Variants in APOB observed in about 807,000 individuals in gnomAD.
APOB encodes the protein apolipoprotein B.
Under a neutral mutation model 314.1 loss-of-function variants are expected in APOB, and 153 were observed. The ratio of observed to expected loss-of-function variants is 0.49; its 90% confidence interval spans 0.43 to 0.56. The LOEUF is 0.56. APOB is among the 20% of genes least tolerant of loss of function. APOB has a pLI of 0.00. For synonymous variants in APOB, 2,087 were observed against 2,036.4 expected (o/e 1.02, Z -0.67); for missense variants, 5,430 against 5,350.7 (o/e 1.01, Z -0.46).
chr2:21,010,914 G>C lies in APOB; in HGVS notation c.5954C>G (p.Thr1985Ser). The change falls in exon 26 of 29, where the codon ACC becomes AGC. Residue 1985 changes from threonine to serine, a missense_variant. Thr to Ser is a moderately conservative substitution (Grantham distance 58). Coordinates refer to ENST00000233242, the MANE Select transcript of APOB (RefSeq NM_000384.3). ...GCTGTATTCATTGTTGTTAAATTGG[G>C]TCTTGAGTTTCCAGGTGCCTGTCTG... is the stretch of plus-strand genomic sequence containing the variant. ...AEQTGTWKLK[T>S]QFNNNEYSQD... 2 of 1,614,082 alleles carry C rather than the reference G, an allele frequency of 1.2e-6. No individual in the cohort carries two copies. The highest frequency in any genetic ancestry group is 1.1e-5 in the South Asian group (1 of 91,076).
At chr2:21,012,722 T>C (rs1467151037) in intron 25 of APOB, 71 bp from the exon 26 acceptor site, 33 of 1,523,130 alleles carry the variant, frequency 2.2e-5, no homozygotes, top group Non-Finnish European at 2.9e-5. Context: ...ATGTTGAAAG[T>C]CTTTCAATAA....
Position 21,026,918 on chromosome 2 carries a change from A to C in APOB, c.2114T>G (p.Phe705Cys), listed in dbSNP as rs898106597. Residue 705 changes from phenylalanine (F) to cysteine (C), a missense_variant, in exon 15 of 29, where the codon TTT becomes TGT. Phe to Cys is a radical substitution (Grantham distance 205). Transcript: ENST00000233242. ...GTCTGGGAAAAATCCTTGCTTCCCA[A>C]AAAGAGCTTCCAATGTTGGCTCAAA... ...KGFEPTLEAL[F>C]GKQGFFPDSV... 1.9e-6 allele frequency: 3 copies of C among 1,614,218 alleles called. No individual in the cohort carries two copies. Among genetic ancestry groups the C allele is most frequent in the Middle Eastern group, 1.6e-4 (1 of 6,062 alleles).
At chr2:21,033,582 T>C (rs1219780634) in intron 8 of APOB, 64 bp from the exon 9 acceptor site, 3 of 1,381,756 alleles carry the variant, frequency 2.2e-6, no homozygotes, top group Non-Finnish European at 3.1e-6. Context: ...CTTTGTCTAC[T>C]GGAAGCTGGA....
At chr2:21,036,781 A>C (rs966805229) in intron 6 of APOB, among the ~76,000 whole-genome samples, 1 of 152,080 alleles carries the variant, frequency 6.6e-6, no homozygotes, top group African/African-American at 2.4e-5. Flanking sequence ...CCATCCCCGG[A>C]ACCTTCTCAG....
At chr2:21,029,545 G>A (rs1223033559) in intron 12 of APOB, 94 bp downstream of exon 12, 5 of 1,374,880 alleles carry the variant, frequency 3.6e-6, no homozygotes. Context: ...GCAGAATAAA[G>A]TCAGTAGATG....
Position 21,007,772 on chromosome 2 carries a change from AG to A in APOB, c.9095del (p.Thr3032IlefsTer2), listed in dbSNP as rs1464780898. 2 of 1,614,104 alleles carry A rather than the reference AG, an allele frequency of 1.2e-6. No individual in the cohort carries two copies. The highest frequency in any genetic ancestry group is 1.7e-6 in the Non-Finnish European group (2 of 1,179,950). ...DAHLNGKVIG[T>X]LKNSLFFSAQ... ...CTGAAAAGAAAAGAGAATTTTTCAA[AG>A]TTCCAATAACCTTTCCATTTAAATG... is the stretch of plus-strand genomic sequence containing the variant. On this transcript the variant is annotated frameshift_variant, in exon 26 of 29. Transcript: ENST00000233242. LOFTEE classifies it high-confidence loss of function.
At chr2:21,015,952 T>C (rs1423231680) in intron 21 of APOB, among the ~76,000 whole-genome samples, 1 of 152,116 alleles carries the variant, frequency 6.6e-6, no homozygotes, top group Non-Finnish European at 1.5e-5. Context: ...AAGTGCCTGA[T>C]AAATGGTAGG....
rs566255530 is a variant in APOB at position 21,025,365 on chromosome 2, G to C, written c.2245-241C>G. Among the ~76,000 whole-genome samples the C allele has an allele frequency of 6.2e-4, 94 of 152,192 alleles. 1 individual carries two copies. In the South Asian group the frequency reaches 9.8e-3, roughly 16 times the overall value. On this transcript the variant is annotated intron_variant, in intron 15 of 28. Transcript: ENST00000233242. ...ATTAAAAAATCTGTAGACATAGTAA[G>C]ATGTGGTGGGATGAGAGGAGGGGTC...
Position 21,003,018 on chromosome 2 carries a change from C to A in APOB, c.12404G>T (p.Ser4135Ile), listed in dbSNP as rs1663033324. 1 of 1,569,258 alleles carries A rather than the reference C, an allele frequency of 6.4e-7. No individual in the cohort carries two copies. The highest frequency in any genetic ancestry group is 8.6e-7 in the Non-Finnish European group (1 of 1,157,680). ...DIDVRFQKAA[S>I]GTTGTYQEWK... The stretch of plus-strand genomic sequence containing the variant: ...CTCTTGGTAGGTCCCAGTGGTGCCA[C>A]TGGCTGCTTTCTGGAACCTCACGTC... The change falls in exon 29 of 29, where the codon AGT becomes ATT. Residue 4135 changes from serine to isoleucine, a missense_variant. Around this residue, in one of 3 missense-constraint regions of APOB, gnomAD observed 3,281 missense variants for 3,171.0 expected, o/e 1.03. Coordinates refer to ENST00000233242, the MANE Select transcript of APOB (RefSeq NM_000384.3).
chr2:21,039,387 G>T (rs1664080585), intron 4 of APOB, among the ~76,000 whole-genome samples: 1 of 152,172 alleles, frequency 6.6e-6, no homozygotes, highest in Non-Finnish European at 1.5e-5. Context: ...TCTTTTGTAT[G>T]GTGTCAGGCC....
chr2:21,013,378 C>T lies in APOB; in HGVS notation c.3998G>A (p.Arg1333Gln), dbSNP rs1011100428. ...GGTAAAAGTAGGGACTTGGAACTCT[C>T]GAGATGGCAGATGGAATCCCACAGA... ...FKSVGFHLPS[R>Q]EFQVPTFTIP... is the part of the protein sequence containing the mutation. The change falls in exon 25 of 29, where the codon CGA becomes CAA. Residue 1333 changes from arginine (R) to glutamine (Q), a missense_variant. Physicochemically the swap from Arg to Gln is conservative, Grantham distance 43. This residue lies in a region of APOB where 2,085 missense variants were observed against 2,079.7 expected (regional missense o/e 1.00). Transcript: ENST00000233242. 10 of 1,614,070 alleles carry T rather than the reference C, an allele frequency of 6.2e-6. No individual in the cohort carries two copies. Among genetic ancestry groups the T allele is most frequent in the African/African-American group, 1.3e-5 (1 of 74,908 alleles).
intron 2 of APOB, 114 bp from the exon 3 acceptor site, chr2:21,042,590 AAATT>A (rs1664158755): frequency 1.3e-6 from 1 of 777,980 alleles, no homozygotes. Context: ...AATTCAACTC[AAATT>A]ATTTTTTAAT....
chr2:21,012,342 G>C lies in APOB; in HGVS notation c.4526C>G (p.Pro1509Arg). 1 of 1,614,144 alleles carries C rather than the reference G, an allele frequency of 6.2e-7. No individual in the cohort carries two copies. The highest frequency in any genetic ancestry group is 8.5e-7 in the Non-Finnish European group (1 of 1,180,038). ...CTCTCCATTGAGCCGGCCAGTGTTA[G>C]GATCCCTCTGACAAGACAGGCCATA... ...GTYGLSCQRD[P>R]NTGRLNGESN... is the part of the protein sequence containing the mutation. The change falls in exon 26 of 29, where the codon CCT becomes CGT. Residue 1509 changes from proline to arginine, a missense_variant. Coordinates refer to ENST00000233242, the MANE Select transcript of APOB (RefSeq NM_000384.3).
rs764717489 is a variant in APOB at position 21,008,789 on chromosome 2, G to A, written c.8079C>T (p.Leu2693=). The A allele has an allele frequency of 1.8e-5, 29 of 1,613,910 alleles. No homozygotes were observed. In the South Asian group the frequency reaches 3.1e-4, roughly 17 times the overall value. ...GAATGTCCTCCACCTTCAGATCCCT[G>A]AGATATATATCTGGAACGGGCCACT... ...ELQWPVPDIY[L]RDLKVEDIPL... The change falls in exon 26 of 29, where the codon CTC becomes CTT. Residue 2693 remains leucine (L), a synonymous_variant. Transcript: ENST00000233242.
chr2:21,021,538 G>A (rs1663605994), intron 18 of APOB, among the ~76,000 whole-genome samples: 1 of 152,100 alleles, frequency 6.6e-6, no homozygotes, highest in South Asian at 2.1e-4. Flanking sequence ...AAACTCCTTA[G>A]GATGGCTTTC....
intron 25 of APOB, 21 bp downstream of exon 25, chr2:21,013,139 C>T (rs1366127638): frequency 1.2e-6 from 2 of 1,612,940 alleles, no homozygotes. Context: ...CCGGTGCACC[C>T]TTTACCTGAG....
chr2:21,004,445 C>T lies in APOB; in HGVS notation c.11911G>A (p.Glu3971Lys), dbSNP rs373477107. The change falls in exon 28 of 29, where the codon GAA (glutamate) becomes AAA (lysine). Residue 3971 changes from glutamate (E) to lysine (K), a missense_variant. Around this residue, in one of 3 missense-constraint regions of APOB, gnomAD observed 3,281 missense variants for 3,171.0 expected, o/e 1.03. Transcript: ENST00000233242. Reference sequence around the variant, plus strand: ...TTGATATTGAGGTGCGCTTTTCCTTCCCATTCCCTGAAAGCAGAAAAACAG... The same window carrying T: ...TTGATATTGAGGTGCGCTTTTCCTTTCCATTCCCTGAAAGCAGAAAAACAG... ...DGKYEGLQEW[E>K]GKAHLNIKSP... 5.4e-5 allele frequency: 87 copies of T among 1,613,878 alleles called. 1 individual carries two copies. The highest frequency in any genetic ancestry group is 7.2e-5 in the Non-Finnish European group (85 of 1,179,930).
intron 25 of APOB, among the ~76,000 whole-genome samples, chr2:21,012,862 C>G (rs1395723047): frequency 2.6e-5 from 4 of 152,202 alleles, no homozygotes; most frequent in African/African-American, 9.6e-5. Context: ...TTTAGGTTCC[C>G]TTGTTGAGTG....
At chr2:21,016,979 A>T (rs974219905) in intron 20 of APOB, among the ~76,000 whole-genome samples, 8 of 131,606 alleles carry the variant, frequency 6.1e-5, no homozygotes, top group African/African-American at 1.2e-4. Context: ...GCGAGACTCC[A>T]TCTCAAAAAA....
Sources: allele counts gnomAD v4.1 joint callset (sites outside exome capture counted in the v4.1 genomes callset), GRCh38; gene constraint gnomAD v4.1.1; regional missense constraint gnomAD v4.1.1; transcripts MANE v1.5; gene names NCBI Gene and HGNC (gene_info 2026-07-23, HGNC 2026-07-21).